Variants in OPTC observed in about 807,000 individuals in gnomAD.
OPTC encodes the protein oculoglycan.
A neutral mutation model predicts 25.4 loss-of-function variants in OPTC; 22 were observed. The observed-to-expected ratio is 0.87, with a 90% CI of 0.62 to 1.24. The LOEUF (loss-of-function observed/expected upper bound fraction) is 1.24. Among genes scored for constraint, OPTC ranks in the 50% most tolerant of loss-of-function variants. The pLI is 0.00. For synonymous variants in OPTC, 169 were observed against 179.3 expected (o/e 0.94, Z 0.46); for missense variants, 417 against 425.2 (o/e 0.98, Z 0.17).
intron 7 of OPTC, among the ~76,000 whole-genome samples, chr1:203,506,381 C>T (rs1014522636): frequency 3.9e-5 from 6 of 151,930 alleles, no homozygotes; most frequent in African/African-American, 1.5e-4. Context: ...GAACTCCTGA[C>T]CTCGGGTGAT....
intron 7 of OPTC, among the ~76,000 whole-genome samples, chr1:203,506,156 T>C (rs955037952): frequency 1.3e-5 from 2 of 150,226 alleles, no homozygotes; most frequent in African/African-American, 4.9e-5. Flanking sequence ...TTTTTTCTTT[T>C]TTTTTTTTTT....
chr1:203,501,525 G>A lies in OPTC; in HGVS notation c.733-1389G>A, dbSNP rs547851953. Among the ~76,000 whole-genome samples, 33 of 152,290 alleles carry A rather than the reference G, an allele frequency of 2.2e-4. 1 individual carries two copies. The highest frequency in any genetic ancestry group is 5.2e-4 in the Admixed American group (8 of 15,304). ...GCTAGGAAGAGCCCCGGGTGTGTTC[G>A]CCCATGTGCTCTCTCTCTTTCTCTC... On this transcript the variant is annotated intron_variant, in intron 5 of 7. Transcript: ENST00000367222.
At chr1:203,498,622 G>T in intron 3 of OPTC, 59 bp from the exon 4 acceptor site, 1 of 1,601,202 alleles carries the variant, frequency 6.2e-7, no homozygotes, top group Non-Finnish European at 8.6e-7. Flanking sequence ...CTGGGGCGAG[G>T]GCCATTGGCC....
intron 7 of OPTC, 101 bp downstream of exon 7, chr1:203,503,846 C>A: frequency 1.0e-6 from 1 of 1,000,158 alleles, no homozygotes; most frequent in Non-Finnish European, 1.5e-6. Flanking sequence ...TAATCAACCT[C>A]TCGATCCCTT....
In OPTC at chr1:203,503,691, C is replaced by T. The variant is rs1332223797; in HGVS notation, c.970C>T (p.Pro324Ser). Residue 324 changes from proline (P) to serine (S), a missense_variant, in exon 7 of 8, where the codon CCT becomes TCT. Transcript: ENST00000367222. ...SLFPSAYFCL[P>S]RLPIGRFT ...CTTCCCCAGCGCCTACTTCTGCCTG[C>T]CTCGGCTCCCCATCGGCCGCTTCAC... is the stretch of plus-strand genomic sequence containing the variant. The T allele has an allele frequency of 6.2e-7, 1 of 1,610,594 alleles. No homozygotes were observed. The highest frequency in any genetic ancestry group is 1.1e-5 in the South Asian group (1 of 91,084).
chr1:203,507,144 C>T (rs974493500), intron 7 of OPTC, among the ~76,000 whole-genome samples: 4 of 152,200 alleles, frequency 2.6e-5, no homozygotes, highest in African/African-American at 7.2e-5. Flanking sequence ...CACAGCTGTT[C>T]CTTCTCGATC....
intron 5 of OPTC, among the ~76,000 whole-genome samples, chr1:203,501,939 C>G (rs761339272): frequency 5.3e-5 from 8 of 152,168 alleles, no homozygotes; most frequent in Non-Finnish European, 1.5e-5. Flanking sequence ...TGCCTTGACT[C>G]AGAGCTGTTT....
intron 7 of OPTC, among the ~76,000 whole-genome samples, chr1:203,504,939 T>C (rs1477088067): frequency 6.6e-6 from 1 of 152,220 alleles, no homozygotes; most frequent in Non-Finnish European, 1.5e-5. Flanking sequence ...GCTACTATGC[T>C]GGAAGGATGG....
chr1:203,495,113 G>T (rs1362814560), intron 1 of OPTC, among the ~76,000 whole-genome samples: 1 of 152,162 alleles, frequency 6.6e-6, no homozygotes, highest in African/African-American at 2.4e-5. Flanking sequence ...TCCTAGGAAG[G>T]GCTGTGCCTC....
Position 203,504,895 on chromosome 1 carries a change from TACTC to T in OPTC, c.*25+1153_*25+1156del, listed in dbSNP as rs370945934. On this transcript the variant is annotated intron_variant, in intron 7 of 7. Coordinates refer to ENST00000367222, the MANE Select transcript of OPTC (RefSeq NM_014359.4). ...TGCAAAGATAAATAAAAATAGCAAT[TACTC>T]ACCTTCTGCCTTTTGGATCCTGGGC... 1.6e-3 allele frequency among the ~76,000 whole-genome samples: 250 copies of T among 152,304 alleles called. 1 individual carries two copies. The highest frequency in any genetic ancestry group is 5.7e-3 in the African/African-American group (236 of 41,576).
At chr1:203,499,953 C>A in intron 5 of OPTC, 102 bp downstream of exon 5, 1 of 935,010 alleles carries the variant, frequency 1.1e-6, no homozygotes, top group Non-Finnish European at 1.7e-6. Context: ...CACCACCACC[C>A]ACCTCCACCT....
At chr1:203,502,118 G>A (rs561746084) in intron 5 of OPTC, among the ~76,000 whole-genome samples, 2 of 152,300 alleles carry the variant, frequency 1.3e-5, no homozygotes, top group South Asian at 2.1e-4. Flanking sequence ...AAAGAGAACA[G>A]GAGGGTTAGA....
At chr1:203,505,169 C>T (rs558145522) in intron 7 of OPTC, among the ~76,000 whole-genome samples, 6 of 152,300 alleles carry the variant, frequency 3.9e-5, no homozygotes, top group African/African-American at 7.2e-5. Context: ...CCCACTGCTA[C>T]GTGGTGATAA....
At chr1:203,502,845 C>G in intron 5 of OPTC, 69 bp from the exon 6 acceptor site, 1 of 1,210,674 alleles carries the variant, frequency 8.3e-7, no homozygotes, top group South Asian at 1.2e-5. Flanking sequence ...TCTCTGGTCT[C>G]ATAGCCCTCC....
intron 3 of OPTC, 135 bp from the exon 4 acceptor site, chr1:203,498,546 C>A: frequency 1.0e-6 from 1 of 993,884 alleles, no homozygotes; most frequent in East Asian, 2.4e-5. Context: ...ACATGGTGCC[C>A]GTCAGTTCTG....
chr1:203,496,955 G>A (rs766101838), intron 2 of OPTC, 22 bp from the exon 3 acceptor site: 18 of 1,613,866 alleles, frequency 1.1e-5, no homozygotes, highest in Non-Finnish European at 1.5e-5. Flanking sequence ...GGGCTACTGT[G>A]TACTCTGTGC....
rs1159531483 is a variant in OPTC, at chr1:203,495,752, TA to T, written c.-41-208del. Among the ~76,000 whole-genome samples, 3 of 152,160 alleles carry T rather than the reference TA, an allele frequency of 2.0e-5. No individual in the cohort carries two copies. In the East Asian group the frequency reaches 5.8e-4, roughly 29 times the overall value. The stretch of plus-strand genomic sequence containing the variant: ...GAATATCAGTGTTTGGGTGAGCGTG[TA>T]AAAACACTCAAGTGGGGCGGTGGAG... On this transcript the variant is annotated intron_variant, in intron 1 of 7. Coordinates refer to ENST00000367222, the MANE Select transcript of OPTC (RefSeq NM_014359.4).
chr1:203,505,184 G>C (rs1661458952), intron 7 of OPTC, among the ~76,000 whole-genome samples: 1 of 152,218 alleles, frequency 6.6e-6, no homozygotes, highest in Non-Finnish European at 1.5e-5. Flanking sequence ...TGATAAGATG[G>C]TACGCAACAG....
At chr1:203,495,852 A>G in intron 1 of OPTC, 113 bp from the exon 2 acceptor site, 3 of 678,742 alleles carry the variant, frequency 4.4e-6, no homozygotes, top group South Asian at 3.1e-5. Flanking sequence ...TGATGAGAGC[A>G]CTGAGTCTGC....
Sources: allele counts gnomAD v4.1 joint callset (sites outside exome capture counted in the v4.1 genomes callset), GRCh38; gene constraint gnomAD v4.1.1; transcripts MANE v1.5; gene names NCBI Gene and HGNC (gene_info 2026-07-23, HGNC 2026-07-21).